The following NPAS2 variants were observed in gnomAD, a reference collection of about 807,000 sequenced individuals.
NPAS2 encodes the protein neuronal PAS domain-containing protein 2.
A neutral mutation model predicts 107.5 loss-of-function variants in NPAS2; 23 were observed. That is an observed-to-expected ratio of 0.21 (90% CI 0.15 to 0.30). NPAS2 has a LOEUF of 0.30. Ranked by LOEUF, NPAS2 falls within the 10% of genes least tolerant of loss-of-function variation. The pLI, the probability that NPAS2 is intolerant of heterozygous loss-of-function variation, is 1.00. For synonymous variants in NPAS2, 403 were observed against 417.5 expected (o/e 0.97, Z 0.42); for missense variants, 756 against 1,043.3 (o/e 0.72, Z 3.79).
rs569811925 is a variant in NPAS2 at position 100,982,277 on chromosome 2, A to G, written c.1529A>G (p.Glu510Gly). 2 of 1,614,202 alleles carry G rather than the reference A, an allele frequency of 1.2e-6. No individual in the cohort carries two copies. The highest frequency in any genetic ancestry group is 1.7e-5 in the Admixed American group (1 of 60,028). The change falls in exon 16 of 21, where the codon GAG becomes GGG. Residue 510 changes from glutamate to glycine, a missense_variant. Physicochemically the swap from Glu to Gly is moderately conservative, Grantham distance 98. Coordinates refer to ENST00000335681, the MANE Select transcript of NPAS2 (RefSeq NM_002518.4). ...SMFQTIKDQL[E>G]QRTRILQANI... ...TTCCAGACCATCAAAGACCAGCTAG[A>G]GCAGCGGACGCGGATCCTGCAGGCC...
intron 1 of NPAS2, among the ~76,000 whole-genome samples, chr2:100,833,715 T>C (rs1676883321): frequency 6.6e-6 from 1 of 152,216 alleles, no homozygotes; most frequent in Non-Finnish European, 1.5e-5. Flanking sequence ...GTGTATCCCA[T>C]GGATTCTGAA....
intron 1 of NPAS2, among the ~76,000 whole-genome samples, chr2:100,839,472 G>T (rs1227720718): frequency 1.3e-5 from 2 of 152,124 alleles, no homozygotes; most frequent in Non-Finnish European, 2.9e-5. Flanking sequence ...ATTTAGTGAA[G>T]AGTAGATAGA....
intron 10 of NPAS2, among the ~76,000 whole-genome samples, chr2:100,966,581 A>G (rs1401984307): frequency 4.1e-5 from 6 of 147,240 alleles, no homozygotes; most frequent in Non-Finnish European, 8.9e-5. Context: ...AGTACCCATT[A>G]GAACTTTTTT....
chr2:100,929,450 C>T (rs1164485442), intron 3 of NPAS2, among the ~76,000 whole-genome samples: 4 of 152,226 alleles, frequency 2.6e-5, no homozygotes, highest in African/African-American at 9.6e-5. Context: ...TGCTGGTTCT[C>T]AACCTTGTGT....
At chr2:100,846,032 G>C (rs1379147243) in intron 1 of NPAS2, among the ~76,000 whole-genome samples, 1 of 152,224 alleles carries the variant, frequency 6.6e-6, no homozygotes, top group Non-Finnish European at 1.5e-5. Flanking sequence ...TGCGGTGTCA[G>C]GCCCAAGGTG....
chr2:100,886,230 T>C (rs1680690086), intron 1 of NPAS2, among the ~76,000 whole-genome samples: 1 of 152,178 alleles, frequency 6.6e-6, no homozygotes, highest in African/African-American at 2.4e-5. Flanking sequence ...CCCAAGCCAC[T>C]CGCACATTTA....
chr2:100,865,054 A>G (rs1209420293), intron 1 of NPAS2, among the ~76,000 whole-genome samples: 1 of 152,198 alleles, frequency 6.6e-6, no homozygotes, highest in African/African-American at 2.4e-5. Flanking sequence ...GGGAAACTCC[A>G]CTGTACATTT....
rs1675334983 is a variant in NPAS2 at position 100,953,072 on chromosome 2, TTCTC to T, written c.598+3593_598+3596del. Among the ~76,000 whole-genome samples the T allele has an allele frequency of 4.6e-4, 69 of 150,566 alleles. 4 individuals carry two copies. The highest frequency in any genetic ancestry group is 3.4e-3 in the Middle Eastern group (1 of 292). The stretch of plus-strand genomic sequence containing the variant: ...CAAAAATTGTCAGAGACAAATGAAT[TTCTC>T]AGGTTAAACCCTATAAAGGCCAGAT... On this transcript the variant is annotated intron_variant, in intron 7 of 20. Coordinates refer to ENST00000335681, the MANE Select transcript of NPAS2 (RefSeq NM_002518.4).
At chr2:100,920,781 G>A (rs926099234) in intron 2 of NPAS2, among the ~76,000 whole-genome samples, 4 of 152,358 alleles carry the variant, frequency 2.6e-5, no homozygotes, top group South Asian at 2.1e-4. Flanking sequence ...TTGTGCGTAC[G>A]TGTTCTTGGC....
intron 1 of NPAS2, among the ~76,000 whole-genome samples, chr2:100,857,594 T>C (rs1240149579): frequency 6.6e-6 from 1 of 152,110 alleles, no homozygotes; most frequent in Non-Finnish European, 1.5e-5. Context: ...TAGATATGTG[T>C]TTCAGGGAGG....
At chr2:100,936,979 CAAAAAAA>C (rs34968729) in intron 4 of NPAS2, among the ~76,000 whole-genome samples, 17 of 74,644 alleles carry the variant, frequency 2.3e-4, no homozygotes, top group Non-Finnish European at 4.1e-4. Context: ...GACTCCATCT[CAAAAAAA>C]AAAAAAAAAA....
intron 7 of NPAS2, among the ~76,000 whole-genome samples, chr2:100,952,586 C>T (rs1675297307): frequency 1.3e-5 from 2 of 151,680 alleles, no homozygotes; most frequent in South Asian, 2.1e-4. Flanking sequence ...AAAAAAACAA[C>T]AACAAAAAAC....
At chr2:100,829,896 C>T (rs1246781018) in intron 1 of NPAS2, among the ~76,000 whole-genome samples, 2 of 152,234 alleles carry the variant, frequency 1.3e-5, no homozygotes, top group Non-Finnish European at 2.9e-5. Context: ...CATCCTTCTA[C>T]TTCCTCACTC....
intron 15 of NPAS2, among the ~76,000 whole-genome samples, chr2:100,978,174 C>G (rs1346760164): frequency 2.0e-5 from 3 of 152,176 alleles, no homozygotes; most frequent in African/African-American, 7.2e-5. Context: ...CTTGCCCCAC[C>G]AGTCCCAAAG....
chr2:100,978,130 A>G (rs1049603677), intron 15 of NPAS2, among the ~76,000 whole-genome samples: 5 of 152,100 alleles, frequency 3.3e-5, no homozygotes, highest in African/African-American at 1.2e-4. Context: ...ACTGTACCCA[A>G]TATGTAGTCC....
In NPAS2 at chr2:100,988,197, C is replaced by T; in HGVS notation, c.1748C>T (p.Pro583Leu). ...ACTCAGCCCCAGCTCGGGGCGGGCC[C>T]CCAACTTCCAGGGCAGATCTCCTCT... Reference protein sequence around the residue: ...AVTQPQLGAGPQLPGQISSAQ... With the variant: ...AVTQPQLGAGLQLPGQISSAQ... Residue 583 changes from proline (P) to leucine (L), a missense_variant, in exon 17 of 21, where the codon CCC (proline) becomes CTC (leucine). Pro to Leu is a moderately conservative substitution (Grantham distance 98, BLOSUM62 -3). Coordinates refer to ENST00000335681, the MANE Select transcript of NPAS2 (RefSeq NM_002518.4). The T allele has an allele frequency of 6.2e-7, 1 of 1,614,172 alleles. No individual in the cohort carries two copies. Among genetic ancestry groups the T allele is most frequent in the Non-Finnish European group, 8.5e-7 (1 of 1,180,044 alleles).
In NPAS2 at chr2:100,965,810, C is replaced by G; in HGVS notation, c.907+44C>G. The G allele has an allele frequency of 7.8e-7, 1 of 1,277,580 alleles. No individual in the cohort carries two copies. The highest frequency in any genetic ancestry group is 1.1e-6 in the Non-Finnish European group (1 of 880,594). The allele number at this position is 1,277,580 out of a possible 1,614,324, so 79.1% of individuals were successfully genotyped here. On this transcript the variant is annotated intron_variant, in intron 10 of 20. Transcript: ENST00000335681. This position sits in a 1 kb window ranked among gnomAD's most constrained non-coding sequence, Gnocchi z 4.3. ...CCCAGGCATGGGGGCCTTGCGTTCACTCCACTGGGGCCCAGCAGCAGGGCT... is the reference window on the plus strand; with the variant it reads ...CCCAGGCATGGGGGCCTTGCGTTCAGTCCACTGGGGCCCAGCAGCAGGGCT...
chr2:100,858,583 C>G (rs562266355), intron 1 of NPAS2, among the ~76,000 whole-genome samples: 2 of 152,142 alleles, frequency 1.3e-5, no homozygotes, highest in African/African-American at 2.4e-5. Context: ...GGGTGCTGAG[C>G]AAGGAGCAAT....
chr2:100,901,755 A>G (rs1048703986), intron 1 of NPAS2, among the ~76,000 whole-genome samples: 19 of 151,474 alleles, frequency 1.3e-4, no homozygotes, highest in African/African-American at 4.6e-4. Flanking sequence ...GCCGTTCCCC[A>G]CCTCAGGTAA....
Sources: allele counts gnomAD v4.1 joint callset (sites outside exome capture counted in the v4.1 genomes callset), GRCh38; gene constraint gnomAD v4.1.1; non-coding constraint Gnocchi (gnomAD v3.1); transcripts MANE v1.5; gene names NCBI Gene and HGNC (gene_info 2026-07-23, HGNC 2026-07-21).